Variants in LIMK2 observed in about 807,000 individuals in gnomAD.
The protein encoded by LIMK2 is LIM domain kinase 2.
In LIMK2, 35 loss-of-function variants were observed where a neutral mutation model predicts 75.7. The ratio of observed to expected loss-of-function variants is 0.46; its 90% CI spans 0.35 to 0.61. The LOEUF (loss-of-function observed/expected upper bound fraction) is 0.61, where lower values mean the gene tolerates loss of function less well. LIMK2 is among the 20% of genes least tolerant of loss of function. LIMK2 has a pLI of 0.00. For missense variants in LIMK2, 623 were observed against 831.0 expected, an observed-to-expected ratio of 0.75 and a Z score of 3.08; for synonymous variants, 301 against 319.2, an observed-to-expected ratio of 0.94 and a Z score of 0.61.
intron 2 of LIMK2, among the ~76,000 whole-genome samples, chr22:31,232,357 G>A (rs566181422): frequency 1.3e-5 from 2 of 152,020 alleles, no homozygotes; most frequent in South Asian, 2.1e-4. Context: ...TAGCCCCTGT[G>A]AGCCTCAGTT....
At chr22:31,248,140 A>G (rs1307952327) in intron 2 of LIMK2, among the ~76,000 whole-genome samples, 2 of 150,992 alleles carry the variant, frequency 1.3e-5, no homozygotes, top group African/African-American at 4.9e-5. Flanking sequence ...TTCACACTCT[A>G]TCCTGCCTTG....
intron 2 of LIMK2, chr22:31,248,697 C>G: frequency 6.2e-7 from 1 of 1,614,178 alleles, no homozygotes; most frequent in Non-Finnish European, 8.5e-7. Context: ...CTGAGCCTGT[C>G]TATCTGGTGT....
intron 10 of LIMK2, 100 bp from the exon 11 acceptor site, chr22:31,268,044 C>T: frequency 6.6e-7 from 1 of 1,525,216 alleles, no homozygotes; most frequent in South Asian, 1.1e-5. Context: ...ACTGAGCATA[C>T]ACAGGGAGGC....
chr22:31,223,372 A>G (rs2048452743), intron 1 of LIMK2, among the ~76,000 whole-genome samples: 1 of 152,188 alleles, frequency 6.6e-6, no homozygotes, highest in African/African-American at 2.4e-5. Context: ...TCCTGTTTGA[A>G]TTTTGGAAAT....
chr22:31,267,872 G>T lies in LIMK2; in HGVS notation c.1225G>T (p.Glu409Ter). The change falls in exon 10 of 16, where the codon GAG (glutamate) becomes TAG (stop). Residue 409 changes from glutamate to a stop codon, truncating the protein, a stop_gained. Coordinates refer to ENST00000331728, the MANE Select transcript of LIMK2 (RefSeq NM_005569.4). LOFTEE classifies it high-confidence loss of function. ...KKLNLLTEYI[E>*]GGTLKDFLRS... is the part of the protein sequence containing the mutation. ...GCTGAACCTCCTGACAGAGTACATT[G>T]AGGGGGGCACACTGAAGGACTTTCT... 9 of 1,611,034 alleles carry T rather than the reference G, an allele frequency of 5.6e-6. No homozygotes were observed. Among genetic ancestry groups the T allele is most frequent in the Non-Finnish European group, 7.6e-6 (9 of 1,178,790 alleles).
At chr22:31,235,713 A>C (rs2048567938) in intron 2 of LIMK2, among the ~76,000 whole-genome samples, 1 of 152,228 alleles carries the variant, frequency 6.6e-6, no homozygotes, top group Non-Finnish European at 1.5e-5. Flanking sequence ...TATATATTCA[A>C]TATAGAGTGG....
chr22:31,262,716 C>T lies in LIMK2; in HGVS notation c.779C>T (p.Ala260Val). 6.2e-7 allele frequency: 1 copy of T among 1,614,162 alleles called. No homozygotes were observed. The highest frequency in any genetic ancestry group is 8.5e-7 in the Non-Finnish European group (1 of 1,180,032). The change falls in exon 7 of 16, where the codon GCC becomes GTC. Residue 260 changes from alanine to valine, a missense_variant. Ala to Val is a moderately conservative substitution (Grantham distance 64, BLOSUM62 0). Transcript: ENST00000331728. The surrounding 1 kb of genome is among the most constrained non-coding windows in gnomAD (Gnocchi z 5.0). ...EARLAPHMQN[A>V]GHPHALSTLD... ...CGGCTCGCTCCTCACATGCAGAATG[C>T]CGGACACCCCCACGCCCTCAGCACC...
chr22:31,263,128 G>A (rs1255258916), intron 7 of LIMK2, among the ~76,000 whole-genome samples: 1 of 152,220 alleles, frequency 6.6e-6, no homozygotes, highest in Non-Finnish European at 1.5e-5. Context: ...GCACAGATAG[G>A]ATTGAATAAA....
chr22:31,235,119 C>G (rs1159225813), intron 2 of LIMK2, among the ~76,000 whole-genome samples: 1 of 152,064 alleles, frequency 6.6e-6, no homozygotes, highest in African/African-American at 2.4e-5. Flanking sequence ...TCTAATAGAA[C>G]AATTTGGTCA....
Position 31,262,637 on chromosome 22 carries a change from T to C in LIMK2, c.700T>C (p.Leu234=). 6.2e-7 allele frequency: 1 copy of C among 1,614,044 alleles called. No homozygotes were observed. Among genetic ancestry groups the C allele is most frequent in the African/African-American group, 1.3e-5 (1 of 75,024 alleles). ...CCAGACGAGCCAGACACTTCAGCTG[T>C]TGATTGAACATGACCCCGTCTCCCA... The part of the protein sequence containing the change: ...ISQTSQTLQL[L]IEHDPVSQRL... The change falls in exon 7 of 16, where the codon TTG becomes CTG. Residue 234 remains leucine, a synonymous_variant. Transcript: ENST00000331728. The surrounding 1 kb of genome is among the most constrained non-coding windows in gnomAD (Gnocchi z 5.0).
rs149435118 is a variant in LIMK2, at chr22:31,254,749, G to T, written c.117-3542G>T. On this transcript the variant is annotated intron_variant, in intron 2 of 15. Coordinates refer to ENST00000331728, the MANE Select transcript of LIMK2 (RefSeq NM_005569.4). ...CAAGGCGGGCAGATCACTTGAGGTCGGGAGTTCGAGACCAGCCTCACCAAC... is the reference window on the plus strand; with the variant it reads ...CAAGGCGGGCAGATCACTTGAGGTCTGGAGTTCGAGACCAGCCTCACCAAC... 2.3e-3 allele frequency among the ~76,000 whole-genome samples: 343 copies of T among 152,126 alleles called. 3 individuals are homozygous for T. Among genetic ancestry groups the T allele is most frequent in the African/African-American group, 8.1e-3 (337 of 41,494 alleles).
At chr22:31,236,708 G>C (rs1331870077) in intron 2 of LIMK2, among the ~76,000 whole-genome samples, 2 of 150,608 alleles carry the variant, frequency 1.3e-5, no homozygotes, top group Admixed American at 1.3e-4. Context: ...GAGGTCAGGA[G>C]ATCGAGACTA....
At chr22:31,240,104 A>G (rs1210986862) in intron 2 of LIMK2, among the ~76,000 whole-genome samples, 1 of 152,114 alleles carries the variant, frequency 6.6e-6, no homozygotes, top group Non-Finnish European at 1.5e-5. Context: ...CCCTTCTCCC[A>G]TGGGCAGTGC....
chr22:31,228,385 G>A (rs1257724292), intron 2 of LIMK2, among the ~76,000 whole-genome samples: 1 of 152,004 alleles, frequency 6.6e-6, no homozygotes, highest in Non-Finnish European at 1.5e-5. Flanking sequence ...TGCCATTACA[G>A]TCTAGCCTGG....
intron 3 of LIMK2, chr22:31,258,889 T>C: frequency 2.0e-6 from 1 of 488,524 alleles, no homozygotes. Flanking sequence ...GATGATTACT[T>C]CTGGGGATTT....
intron 2 of LIMK2, among the ~76,000 whole-genome samples, chr22:31,254,072 C>T (rs1212951406): frequency 1.3e-5 from 2 of 152,342 alleles, no homozygotes; most frequent in Middle Eastern, 3.4e-3. Context: ...TAAAGGCATT[C>T]CTTGACACAG....
chr22:31,259,767 T>A, intron 4 of LIMK2, 122 bp from the exon 5 acceptor site: 1 of 791,790 alleles, frequency 1.3e-6, no homozygotes. Context: ...GCTAGAATCA[T>A]GACAAAGAGG....
intron 2 of LIMK2, among the ~76,000 whole-genome samples, chr22:31,257,893 A>G (rs1309107553): frequency 6.6e-6 from 1 of 152,266 alleles, no homozygotes; most frequent in African/African-American, 2.4e-5. Context: ...TGTCAAGACC[A>G]GAGATCCTTA....
rs576657863 is a variant in LIMK2, at chr22:31,276,658, C to A, written c.1772+1350C>A. The A allele has an allele frequency of 5.0e-3, 5,084 of 1,022,292 alleles. 216 individuals are homozygous for A. In the African/African-American group the frequency reaches 0.079, roughly 16 times the overall value. The allele number at this position is 1,022,292 out of a possible 1,614,324, so 63.3% of individuals were successfully genotyped here. ...ACGGAGGCGGCGGCACAAGGAGGGG[C>A]CCCACGCGCGCACGTGGCCCCGGAG... On this transcript the variant is annotated intron_variant, in intron 15 of 15. Transcript: ENST00000331728.
Sources: gnomAD v4.1 joint callset for allele counts (sites outside exome capture counted in the v4.1 genomes callset) on GRCh38, gnomAD v4.1.1 for gene constraint, Gnocchi (gnomAD v3.1) non-coding constraint, MANE v1.5 for transcripts, NCBI Gene and HGNC (gene_info 2026-07-23, HGNC 2026-07-21) for gene names.